The following LYPD6 variants were observed in gnomAD, a reference collection of about 807,000 sequenced individuals.
LYPD6 encodes the protein ly6/PLAUR domain-containing protein 6.
In LYPD6, 15 loss-of-function variants were observed where a neutral mutation model predicts 22.7. The observed-to-expected ratio is 0.66, with a 90% CI of 0.44 to 1.02. The LOEUF (loss-of-function observed/expected upper bound fraction) is 1.02, where lower values mean the gene tolerates loss of function less well. Among genes scored for constraint, LYPD6 ranks in the 50% least tolerant of loss-of-function variants. The pLI is 0.00. For synonymous variants in LYPD6, 72 were observed against 77.5 expected (o/e 0.93, Z 0.37); for missense variants, 189 against 208.4 (o/e 0.91, Z 0.57).
chr2:149,436,298 A>G (rs1455727555), intron 1 of LYPD6, among the ~76,000 whole-genome samples: 1 of 152,234 alleles, frequency 6.6e-6, no homozygotes. Context: ...GCTAGGTTAA[A>G]ATAAAATGAG....
downstream of LYPD6, among the ~76,000 whole-genome samples, chr2:149,477,043 A>G (rs998434449): frequency 1.3e-5 from 2 of 152,080 alleles, no homozygotes; most frequent in African/African-American, 2.4e-5. Flanking sequence ...GGGAGAGAAC[A>G]CTTCTGGACT....
chr2:149,401,275 T>C (rs963335800), intron 1 of LYPD6, among the ~76,000 whole-genome samples: 32 of 152,214 alleles, frequency 2.1e-4, no homozygotes, highest in Admixed American at 5.2e-4. Flanking sequence ...CATGACCACC[T>C]GTATGGAATT....
chr2:149,447,508 C>T (rs921341584), intron 2 of LYPD6, among the ~76,000 whole-genome samples: 1 of 152,124 alleles, frequency 6.6e-6, no homozygotes, highest in Non-Finnish European at 1.5e-5. Context: ...GACATGGGTC[C>T]GAAAGGCACC....
At chr2:149,376,301 A>G (rs1212660171) in intron 1 of LYPD6, among the ~76,000 whole-genome samples, 1 of 152,218 alleles carries the variant, frequency 6.6e-6, no homozygotes, top group Non-Finnish European at 1.5e-5. Flanking sequence ...TGCACTGTGC[A>G]TATCTATTTG....
In LYPD6 at chr2:149,449,926, A is replaced by G. The variant is rs1192223086; in HGVS notation, c.217+779A>G. 4.6e-5 allele frequency among the ~76,000 whole-genome samples: 7 copies of G among 152,348 alleles called. No individual in the cohort carries two copies. In the East Asian group the frequency reaches 1.3e-3, roughly 29 times the overall value. On this transcript the variant is annotated intron_variant, in intron 3 of 4. Transcript: ENST00000334166. ...TTGTTAAAATGGCTTGGACACAACC[A>G]CACCAAATCCATTATTTTTCAGTAT...
At chr2:149,479,094 G>A (rs146685913), downstream of LYPD6, among the ~76,000 whole-genome samples, 1 of 152,102 alleles carries the variant, frequency 6.6e-6, no homozygotes, top group Non-Finnish European at 1.5e-5. Context: ...ACTAATGAAC[G>A]ACAAGCTGCT....
At chr2:149,330,512 G>C (rs1680911295), upstream of LYPD6, 4 of 149,504 alleles carry the variant, frequency 2.7e-5, 1 homozygote, top group South Asian at 8.3e-4. Flanking sequence ...GGCTGCGGGC[G>C]GCGGCCAGTG....
intron 1 of LYPD6, among the ~76,000 whole-genome samples, chr2:149,402,823 G>A (rs1170906005): frequency 6.6e-6 from 1 of 151,724 alleles, no homozygotes; most frequent in African/African-American, 2.4e-5. Flanking sequence ...CTGGTGTGCT[G>A]CACCCATTAA....
At chr2:149,467,982 A>G (rs557708151) in intron 3 of LYPD6, among the ~76,000 whole-genome samples, 2 of 152,298 alleles carry the variant, frequency 1.3e-5, no homozygotes, top group East Asian at 3.9e-4. Context: ...GAAGACACTG[A>G]AATCATGCTA....
At chr2:149,343,545 G>A (rs556026263) in intron 1 of LYPD6, among the ~76,000 whole-genome samples, 8 of 152,264 alleles carry the variant, frequency 5.3e-5, no homozygotes, top group African/African-American at 1.4e-4. Context: ...AATCATGCTC[G>A]TTAATGAATG....
chr2:149,349,130 G>A (rs1031127189), intron 1 of LYPD6, among the ~76,000 whole-genome samples: 1 of 152,130 alleles, frequency 6.6e-6, no homozygotes, highest in Non-Finnish European at 1.5e-5. Context: ...TCTAAATGGA[G>A]AAATGGAGTA....
intron 1 of LYPD6, among the ~76,000 whole-genome samples, chr2:149,401,298 T>C (rs1682550264): frequency 6.6e-6 from 1 of 152,220 alleles, no homozygotes; most frequent in Non-Finnish European, 1.5e-5. Flanking sequence ...GGGAAGTGTA[T>C]TTTGGGTCAG....
chr2:149,363,789 A>T (rs988320655), intron 1 of LYPD6, among the ~76,000 whole-genome samples: 3 of 152,212 alleles, frequency 2.0e-5, no homozygotes, highest in African/African-American at 7.2e-5. Context: ...TGGTTGATGT[A>T]GATCTTTTGC....
At chr2:149,452,997 A>C (rs1239733933) in intron 3 of LYPD6, among the ~76,000 whole-genome samples, 1 of 152,108 alleles carries the variant, frequency 6.6e-6, no homozygotes, top group Non-Finnish European at 1.5e-5. Context: ...GATTCATAGT[A>C]CTATACTCCC....
chr2:149,422,970 C>A (rs527607460), intron 1 of LYPD6, among the ~76,000 whole-genome samples: 19 of 152,164 alleles, frequency 1.2e-4, no homozygotes, highest in African/African-American at 4.3e-4. Flanking sequence ...ATTTCCAGTG[C>A]CCAATAATCA....
chr2:149,407,512 C>T (rs574437175), intron 1 of LYPD6, among the ~76,000 whole-genome samples: 5 of 152,300 alleles, frequency 3.3e-5, no homozygotes, highest in African/African-American at 9.6e-5. Context: ...CCCTTTCTTC[C>T]AGTTGATCGC....
chr2:149,340,700 A>G (rs1045197023), intron 1 of LYPD6, among the ~76,000 whole-genome samples: 2 of 152,222 alleles, frequency 1.3e-5, no homozygotes, highest in African/African-American at 4.8e-5. Flanking sequence ...AGGAACCAAC[A>G]TATAGTTTTT....
At chr2:149,457,825 G>A (rs943199395) in intron 3 of LYPD6, among the ~76,000 whole-genome samples, 4 of 152,184 alleles carry the variant, frequency 2.6e-5, no homozygotes, top group Admixed American at 6.5e-5. Flanking sequence ...ACTCTGAAAG[G>A]TGTAAAGAAA....
At chr2:149,463,061 CT>C (rs1681121837) in intron 3 of LYPD6, among the ~76,000 whole-genome samples, 1 of 151,938 alleles carries the variant, frequency 6.6e-6, no homozygotes, top group African/African-American at 2.4e-5. Context: ...AAATTTAAAA[CT>C]TTTTTACCCG....
Sources: gnomAD v4.1 joint callset for allele counts (sites outside exome capture counted in the v4.1 genomes callset) on GRCh38, gnomAD v4.1.1 for gene constraint, MANE v1.5 for transcripts, NCBI Gene and HGNC (gene_info 2026-07-23, HGNC 2026-07-21) for gene names.